ZNF467: variants seen among roughly 807,000 people sequenced by gnomAD.
ZNF467 encodes zinc finger protein EZI.
ZNF467 carries 51 observed loss-of-function variants against 47.8 expected under a neutral mutation model. The ratio of observed to expected loss-of-function variants is 1.07; its 90% CI spans 0.85 to 1.35. The LOEUF (loss-of-function observed/expected upper bound fraction) is 1.35. Among genes scored for constraint, ZNF467 ranks in the 40% most tolerant of loss-of-function variants. The probability of loss-of-function intolerance (pLI) is 0.00; values close to 1 mark genes in which losing one functional copy is unlikely to be tolerated. For missense variants in ZNF467, 992 were observed against 858.1 expected (o/e 1.16, Z -1.95); for synonymous variants, 416 against 372.9 (o/e 1.12, Z -1.33).
chr7:149,767,044 T>C (rs907912855), intron 4 of ZNF467, among the ~76,000 whole-genome samples: 5 of 152,236 alleles, frequency 3.3e-5, no homozygotes, highest in African/African-American at 1.2e-4. Flanking sequence ...GTTGCCCCTG[T>C]CGGGTGCTGC....
In ZNF467 at chr7:149,769,170, G is replaced by A. The variant is rs1307112330; in HGVS notation, c.182C>T (p.Ala61Val). 1 of 1,561,572 alleles carries A rather than the reference G, an allele frequency of 6.4e-7. No individual in the cohort carries two copies. The highest frequency in any genetic ancestry group is 1.9e-5 in the Admixed American group (1 of 52,948). Reference protein sequence around the residue: ...GHEAPTPEEGAHTEQAEAPCR... With the variant: ...GHEAPTPEEGVHTEQAEAPCR... ...GGGAGCCTCGGCTTGTTCTGTGTGG[G>A]CACCTTCCTCCGGTGTAGGGGCCTC... The change falls in exon 4 of 5, where the codon GCC becomes GTC. Residue 61 changes from alanine (A) to valine (V), a missense_variant. Ala to Val is a moderately conservative substitution (Grantham distance 64). Transcript: ENST00000302017. This position sits in a 1 kb window ranked among gnomAD's most constrained non-coding sequence, Gnocchi z 5.3.
rs953724425 is a variant in ZNF467 at position 149,769,248 on chromosome 7, G to T, written c.152-48C>A. On this transcript the variant is annotated intron_variant, in intron 3 of 4. Transcript: ENST00000302017. This position sits in a 1 kb window ranked among gnomAD's most constrained non-coding sequence, Gnocchi z 5.3. ...AAGGACTCTGGAGACATCACAGATG[G>T]CCAAAGGGCCCCACTGGTGCTGGGA... 15 of 1,480,098 alleles carry T rather than the reference G, an allele frequency of 1.0e-5. No homozygotes were observed. The highest frequency in any genetic ancestry group is 1.8e-6 in the Non-Finnish European group (2 of 1,101,880). 91.7% of individuals were successfully genotyped at this position (1,480,098 alleles called of 1,614,324 possible).
Position 149,766,028 on chromosome 7 carries a change from C to T in ZNF467, c.474G>A (p.Lys158=). Reference sequence around the variant, plus strand: ...GCTCACACTCCCCGCAGCCGTAGGGCTTCTCCGGCATCGGACCCCACCCAG... The same window carrying T: ...GCTCACACTCCCCGCAGCCGTAGGGTTTCTCCGGCATCGGACCCCACCCAG... ...ALSGWGPMPE[K]PYGCGECERR... is the part of the protein sequence containing the mutation. Residue 158 remains lysine (K), a synonymous_variant, in exon 5 of 5, where the codon AAG becomes AAA. Coordinates refer to ENST00000302017, the MANE Select transcript of ZNF467 (RefSeq NM_207336.3). 6.3e-7 allele frequency: 1 copy of T among 1,587,652 alleles called. No homozygotes were observed. Among genetic ancestry groups the T allele is most frequent in the Non-Finnish European group, 8.6e-7 (1 of 1,166,810 alleles).
chr7:149,773,742 G>A (rs948863857), upstream of ZNF467, among the ~76,000 whole-genome samples: 4 of 151,640 alleles, frequency 2.6e-5, no homozygotes, highest in Admixed American at 6.6e-5. Context: ...GCCGGTGCCA[G>A]CCGGGTGTGC....
At chr7:149,772,506 C>T (rs986884747) in intron 1 of ZNF467, among the ~76,000 whole-genome samples, 4 of 138,100 alleles carry the variant, frequency 2.9e-5, no homozygotes, top group Non-Finnish European at 6.3e-5. Flanking sequence ...CGTCTCCCCT[C>T]CGAACACCCC....
intron 4 of ZNF467, among the ~76,000 whole-genome samples, chr7:149,766,612 T>A (rs528010777): frequency 6.6e-6 from 1 of 152,328 alleles, no homozygotes; most frequent in African/African-American, 2.4e-5. Context: ...GACCTCAGTC[T>A]CCATCTCTGG....
intron 4 of ZNF467, among the ~76,000 whole-genome samples, chr7:149,768,097 A>C (rs1221976123): frequency 1.3e-5 from 2 of 152,216 alleles, no homozygotes; most frequent in Admixed American, 6.5e-5. Flanking sequence ...ACAAATTCCC[A>C]GTGCATGCGG....
At chr7:149,772,518 C>T (rs2117472840) in intron 1 of ZNF467, among the ~76,000 whole-genome samples, 1 of 139,342 alleles carries the variant, frequency 7.2e-6, no homozygotes, top group East Asian at 2.2e-4. Flanking sequence ...GAACACCCCT[C>T]CGCGCCTCTC....
Position 149,765,435 on chromosome 7 carries a change from G to C in ZNF467, c.1067C>G (p.Ala356Gly). 1.3e-6 allele frequency: 2 copies of C among 1,580,232 alleles called. No individual in the cohort carries two copies. Among genetic ancestry groups the C allele is most frequent in the Non-Finnish European group, 1.7e-6 (2 of 1,163,914 alleles). Residue 356 changes from alanine (A) to glycine (G), a missense_variant, in exon 5 of 5, where the codon GCG (alanine) becomes GGG (glycine). By Grantham distance (60) the Ala-to-Gly change is moderately conservative. Transcript: ENST00000302017. ...TPSFPGPKPF[A>G]CSDCGLSFGW... ...GAAGCTCAAGCCGCAGTCGGAGCAC[G>C]CGAAAGGCTTTGGCCCGGGAAAGGA...
At chr7:149,774,186 T>C (rs957072159), upstream of ZNF467, among the ~76,000 whole-genome samples, 4 of 151,992 alleles carry the variant, frequency 2.6e-5, no homozygotes, top group African/African-American at 9.7e-5. This position sits in a 1 kb window ranked among gnomAD's most constrained non-coding sequence, Gnocchi z 5.7. Flanking sequence ...GAGTTAGATG[T>C]GGAGGGCAGC....
intron 4 of ZNF467, 38 bp from the exon 5 acceptor site, chr7:149,766,277 C>A (rs768214617): frequency 1.3e-6 from 2 of 1,510,332 alleles, no homozygotes; most frequent in African/African-American, 2.8e-5. Context: ...TTGAGCTCCA[C>A]GTGCGGCAAC....
chr7:149,773,616 G>C (rs1463336878), upstream of ZNF467: 1 of 144,166 alleles, frequency 6.9e-6, no homozygotes, highest in African/African-American at 2.6e-5. Context: ...GCGGAGGGAG[G>C]AGCCGGGGAA....
upstream of ZNF467, among the ~76,000 whole-genome samples, chr7:149,775,860 G>T (rs1157954349): frequency 6.6e-6 from 1 of 152,098 alleles, no homozygotes; most frequent in Admixed American, 6.5e-5. Context: ...GTGGGCAGCT[G>T]GTGCCCTGGG....
chr7:149,771,554 T>C (rs1223423492), intron 1 of ZNF467, among the ~76,000 whole-genome samples: 4 of 152,132 alleles, frequency 2.6e-5, no homozygotes, highest in Non-Finnish European at 5.9e-5. Context: ...GGGGTACTGC[T>C]TGGGGAGGTC....
At chr7:149,770,053 T>C (rs900524319) in intron 3 of ZNF467, among the ~76,000 whole-genome samples, 3 of 151,922 alleles carry the variant, frequency 2.0e-5, no homozygotes, top group Non-Finnish European at 2.9e-5. Context: ...TTTAATCCTA[T>C]AACATGCCCC....
intron 3 of ZNF467, among the ~76,000 whole-genome samples, chr7:149,770,228 T>C (rs1200261757): frequency 6.6e-6 from 1 of 151,990 alleles, no homozygotes; most frequent in Non-Finnish European, 1.5e-5. Context: ...AAGGTAGGGA[T>C]CTTTGACTAT....
rs1354421181 is a variant in ZNF467, at chr7:149,764,590, A to C, written c.*124T>G. ...CGGACGCAGACACTGCGGGAAGGAA[A>C]CAGGTGTCCCGCGGCGGCCAAACCT... On this transcript the variant is annotated 3_prime_UTR_variant, in exon 5 of 5. Transcript: ENST00000302017. 6.6e-7 allele frequency: 1 copy of C among 1,509,304 alleles called. No individual in the cohort carries two copies. The highest frequency in any genetic ancestry group is 1.4e-5 in the African/African-American group (1 of 72,290). 93.5% of individuals were successfully genotyped at this position (1,509,304 alleles called of 1,614,324 possible). A position where few individuals can be genotyped will look rare whatever the true frequency, so the allele number is the denominator to read the frequency against.
upstream of ZNF467, among the ~76,000 whole-genome samples, chr7:149,773,693 G>A (rs151336089): frequency 1.3e-5 from 2 of 150,060 alleles, no homozygotes; most frequent in Non-Finnish European, 3.0e-5. Context: ...GGCCGTGTCG[G>A]GGGGGAGCCA....
At chr7:149,766,357 C>T (rs2117415986) in intron 4 of ZNF467, 118 bp from the exon 5 acceptor site, 1 of 1,452,216 alleles carries the variant, frequency 6.9e-7, no homozygotes, top group East Asian at 2.4e-5. Flanking sequence ...CTCTACCTAA[C>T]GCTTCCCGGG....
Sources: allele counts gnomAD v4.1 joint callset (sites outside exome capture counted in the v4.1 genomes callset), GRCh38; gene constraint gnomAD v4.1.1; non-coding constraint Gnocchi (gnomAD v3.1); transcripts MANE v1.5; gene names NCBI Gene and HGNC (gene_info 2026-07-23, HGNC 2026-07-21).